NIPSNAP1: variants seen among roughly 807,000 people sequenced by gnomAD.
The protein encoded by NIPSNAP1 is protein NipSnap homolog 1.
A neutral mutation model predicts 49.2 loss-of-function variants in NIPSNAP1; 25 were observed. The observed-to-expected ratio is 0.51, with a 90% confidence interval of 0.37 to 0.71. The LOEUF is 0.71. Ranked by LOEUF, NIPSNAP1 falls within the 30% of genes least tolerant of loss-of-function variation. The pLI is 0.00. For synonymous variants in NIPSNAP1, 143 were observed against 140.7 expected (o/e 1.02, Z -0.12); for missense variants, 294 against 361.0 (o/e 0.81, Z 1.50).
intron 4 of NIPSNAP1, 100 bp from the exon 5 acceptor site, chr22:29,561,962 G>T: frequency 9.9e-7 from 1 of 1,012,994 alleles, no homozygotes; most frequent in Non-Finnish European, 1.5e-6. Flanking sequence ...AGGCGGGGTG[G>T]CCTGGTTCCC....
At position 29,555,569 on chromosome 22, in the gene NIPSNAP1, A is replaced by G; in HGVS notation, c.*366T>C. The G allele has an allele frequency of 3.3e-6, 1 of 304,228 alleles. No individual in the cohort carries two copies. The highest frequency in any genetic ancestry group is 6.6e-6 in the Non-Finnish European group (1 of 151,536). The allele number at this position is 304,228 out of a possible 1,614,324, so 18.8% of individuals were successfully genotyped here. A position where few individuals can be genotyped will look rare whatever the true frequency, so the allele number is the denominator to read the frequency against. ...CCCACCCCACCTCTAGCCACTGGACATACTACCTTTTGTGCAACTAAGCTA... is the reference window on the plus strand; with the variant it reads ...CCCACCCCACCTCTAGCCACTGGACGTACTACCTTTTGTGCAACTAAGCTA... On this transcript the variant is annotated 3_prime_UTR_variant, in exon 10 of 10. Transcript: ENST00000216121.
At chr22:29,562,873 G>A (rs1027913441) in intron 4 of NIPSNAP1, among the ~76,000 whole-genome samples, 1 of 152,064 alleles carries the variant, frequency 6.6e-6, no homozygotes, top group Non-Finnish European at 1.5e-5. Context: ...GCTGAGGAAG[G>A]TGGATCACGA....
intron 4 of NIPSNAP1, among the ~76,000 whole-genome samples, chr22:29,562,568 G>A (rs1014660645): frequency 3.3e-5 from 5 of 151,864 alleles, no homozygotes; most frequent in African/African-American, 9.7e-5. Flanking sequence ...GCGCATGCCT[G>A]TAATCCCAGC....
In NIPSNAP1 at chr22:29,574,154, C is replaced by G. The variant is rs576040272; in HGVS notation, c.99-3622G>C. On this transcript the variant is annotated intron_variant, in intron 1 of 9. Coordinates refer to ENST00000216121, the MANE Select transcript of NIPSNAP1 (RefSeq NM_003634.4). ...ATGTGTGCCTGTAGTCCCAGCTACTCGAGAGACTGAGGCAGAACTGCTTGA... is the reference window on the plus strand; with the variant it reads ...ATGTGTGCCTGTAGTCCCAGCTACTGGAGAGACTGAGGCAGAACTGCTTGA... 2.7e-5 allele frequency among the ~76,000 whole-genome samples: 4 copies of G among 147,246 alleles called. No homozygotes were observed. In the Admixed American group the frequency reaches 2.8e-4, roughly 10 times the overall value.
intron 1 of NIPSNAP1, 35 bp downstream of exon 1, chr22:29,580,950 C>T (rs2064493529): frequency 1.3e-6 from 2 of 1,492,850 alleles, no homozygotes; most frequent in Non-Finnish European, 1.8e-6. Flanking sequence ...CACCCCACCC[C>T]GCGCGCGTCT....
chr22:29,556,819 G>A (rs144753266), intron 9 of NIPSNAP1, among the ~76,000 whole-genome samples: 5,443 of 152,110 alleles, frequency 0.036, 325 homozygotes, highest in African/African-American at 0.12. Context: ...GCACTATCTC[G>A]GCTCACTGCA....
At chr22:29,579,312 T>C (rs1478786417) in intron 1 of NIPSNAP1, among the ~76,000 whole-genome samples, 1 of 144,130 alleles carries the variant, frequency 6.9e-6, no homozygotes, top group East Asian at 2.0e-4. Context: ...TTTTTTTTTT[T>C]TGAGACAGAG....
rs193079194 is a variant in NIPSNAP1, at chr22:29,571,282, G to A, written c.99-750C>T. Among the ~76,000 whole-genome samples, 18 of 152,192 alleles carry A rather than the reference G, an allele frequency of 1.2e-4. No homozygotes were observed. The East Asian group carries it at 3.5e-3, about 29-fold the overall frequency. On this transcript the variant is annotated intron_variant, in intron 1 of 9. Coordinates refer to ENST00000216121, the MANE Select transcript of NIPSNAP1 (RefSeq NM_003634.4). ...CAACCTGGGCAGACTCTCTACAGAG[G>A]AGGAGATGAGCTGGTCAGTCCCCAG...
chr22:29,560,928 A>C (rs1251587266), intron 7 of NIPSNAP1, 100 bp from the exon 8 acceptor site: 7 of 1,152,584 alleles, frequency 6.1e-6, no homozygotes, highest in Non-Finnish European at 9.1e-6. Flanking sequence ...CCTAGGTGGA[A>C]CCCACGGTCC....
intron 7 of NIPSNAP1, 101 bp downstream of exon 7, chr22:29,561,070 C>T: frequency 8.7e-7 from 1 of 1,152,112 alleles, no homozygotes. Context: ...TAAAGAGTTC[C>T]CTGTGATATG....
chr22:29,580,901 GCCCCTCCCCCA>G, intron 1 of NIPSNAP1, 73 bp downstream of exon 1: 1 of 1,134,680 alleles, frequency 8.8e-7, no homozygotes, highest in Non-Finnish European at 1.2e-6. Context: ...AGGAGTCTCA[GCCCCTCCCCCA>G]CGACCCAGTC....
At position 29,573,077 on chromosome 22, in the gene NIPSNAP1, G is replaced by A. The variant is rs535785569; in HGVS notation, c.99-2545C>T. Among the ~76,000 whole-genome samples, 17 of 151,818 alleles carry A rather than the reference G, an allele frequency of 1.1e-4. 1 individual carries two copies. Among genetic ancestry groups the A allele is most frequent in the African/African-American group, 3.1e-4 (13 of 41,454 alleles). Reference sequence around the variant, plus strand: ...ATTTGAGATGGAGTCTTGCTCTGTCGCCAGGCTGGAGTAAAGTGGTATGAT... The same window carrying A: ...ATTTGAGATGGAGTCTTGCTCTGTCACCAGGCTGGAGTAAAGTGGTATGAT... On this transcript the variant is annotated intron_variant, in intron 1 of 9. Transcript: ENST00000216121.
At chr22:29,560,148 T>C (rs468851) in intron 8 of NIPSNAP1, among the ~76,000 whole-genome samples, 82,963 of 151,758 alleles carry the variant, frequency 0.55, 23,179 homozygotes, top group South Asian at 0.67. Context: ...ATCCTTTAGC[T>C]CTCAGCTTAC....
chr22:29,560,687 C>T, intron 8 of NIPSNAP1, 47 bp downstream of exon 8: 6 of 1,479,734 alleles, frequency 4.1e-6, no homozygotes, highest in Non-Finnish European at 4.7e-6. Context: ...AGAGTGATGA[C>T]AGAGAAAGAG....
rs1320301551 is a variant in NIPSNAP1, at chr22:29,560,784, C to T, written c.656G>A (p.Gly219Asp). Residue 219 changes from glycine to aspartate, a missense_variant, in exon 8 of 10, where the codon GGC (glycine) becomes GAC (aspartate). By Grantham distance (94) the Gly-to-Asp change is moderately conservative. Coordinates refer to ENST00000216121, the MANE Select transcript of NIPSNAP1 (RefSeq NM_003634.4). The stretch of plus-strand genomic sequence containing the variant: ...CTCTCCTATCTGTGAGAAGAAGCCG[C>T]CCACTGCCTCCTGGTTCTCCTGCCG... Reference protein sequence around the residue: ...KYRQENQEAVGGFFSQIGELY... With the variant: ...KYRQENQEAVDGFFSQIGELY... The T allele has an allele frequency of 6.2e-7, 1 of 1,614,118 alleles. No homozygotes were observed. Among genetic ancestry groups the T allele is most frequent in the Non-Finnish European group, 8.5e-7 (1 of 1,180,026 alleles).
chr22:29,579,289 C>CTTTTTTTTTTTTTTTT (rs34084606), intron 1 of NIPSNAP1, among the ~76,000 whole-genome samples: 1 of 57,374 alleles, frequency 1.7e-5, no homozygotes, highest in Non-Finnish European at 3.0e-5. Context: ...AATTTTTGTA[C>CTTTTTTTTTTTTTTTT]TTTTTTTTTT....
chr22:29,569,357 T>G (rs1482723319), intron 3 of NIPSNAP1, 70 bp from the exon 4 acceptor site: 28 of 1,203,240 alleles, frequency 2.3e-5, no homozygotes, highest in Non-Finnish European at 3.4e-5. Context: ...GGGTTCAAAC[T>G]CAGTTCAAAC....
chr22:29,556,027 CAG>C (rs148052790), intron 9 of NIPSNAP1, 28 bp from the exon 10 acceptor site: 403,973 of 1,549,058 alleles, frequency 0.26, 54,675 homozygotes, highest in Non-Finnish European at 0.28. Flanking sequence ...AGAGGTCACA[CAG>C]GGGGCTCAAG....
chr22:29,559,137 T>TA (rs2064316402), intron 8 of NIPSNAP1, among the ~76,000 whole-genome samples, 184 bp from the exon 9 acceptor site: 1 of 152,218 alleles, frequency 6.6e-6, no homozygotes, highest in African/African-American at 2.4e-5. Flanking sequence ...CATATGTTAA[T>TA]ATTGCCTACA....
Sources: gnomAD v4.1 joint callset for allele counts (sites outside exome capture counted in the v4.1 genomes callset) on GRCh38, gnomAD v4.1.1 for gene constraint, MANE v1.5 for transcripts, NCBI Gene and HGNC (gene_info 2026-07-23, HGNC 2026-07-21) for gene names.